MAP2: variants seen among roughly 807,000 people sequenced by gnomAD.
MAP2 encodes microtubule associated protein 2.
A neutral mutation model predicts 137.6 loss-of-function variants in MAP2; 14 were observed. The observed-to-expected ratio is 0.10, with a 90% CI of 0.07 to 0.16. The LOEUF is 0.16. Among genes scored for constraint, MAP2 ranks in the 10% least tolerant of loss-of-function variants. MAP2 has a pLI of 1.00. For synonymous variants in MAP2, 786 were observed against 782.3 expected (o/e 1.00, Z -0.08); for missense variants, 2,088 against 2,191.5 (o/e 0.95, Z 0.94).
chr2:209,537,529 T>C (rs533979115), intron 2 of MAP2, among the ~76,000 whole-genome samples: 1 of 152,348 alleles, frequency 6.6e-6, no homozygotes, highest in South Asian at 2.1e-4. Context: ...ATAATGCAAT[T>C]AATTAGAAGC....
rs570725414 is a variant in MAP2, at chr2:209,603,553, T to C, written c.-106-21500T>C. The stretch of plus-strand genomic sequence containing the variant: ...CCATTTAAGCAAGCATTTTCAAAGC[T>C]TTCTGCATGCTGGTGGGCAGCTCCT... On this transcript the variant is annotated intron_variant, in intron 3 of 15. Transcript: ENST00000682079. Among the ~76,000 whole-genome samples the C allele has an allele frequency of 3.9e-5, 6 of 152,280 alleles. No homozygotes were observed. In the South Asian group the frequency reaches 1.2e-3, roughly 32 times the overall value.
Position 209,618,673 on chromosome 2 carries a change from A to G in MAP2, c.-106-6380A>G, listed in dbSNP as rs541656579. Reference sequence around the variant, plus strand: ...TGTGGAGAAAAGGAGACACTTGCCCACTGTTGATGGAAATATAAATTAGTA... The same window carrying G: ...TGTGGAGAAAAGGAGACACTTGCCCGCTGTTGATGGAAATATAAATTAGTA... On this transcript the variant is annotated intron_variant, in intron 3 of 15. Transcript: ENST00000682079. Among the ~76,000 whole-genome samples the G allele has an allele frequency of 3.0e-4, 45 of 152,288 alleles. 1 individual carries two copies. The South Asian group carries it at 5.0e-3, about 17-fold the overall frequency.
chr2:209,528,339 A>G (rs1488916855), intron 2 of MAP2, among the ~76,000 whole-genome samples: 1 of 152,196 alleles, frequency 6.6e-6, no homozygotes, highest in Non-Finnish European at 1.5e-5. Context: ...GGGAAATATT[A>G]CGTAGATATT....
intron 3 of MAP2, among the ~76,000 whole-genome samples, chr2:209,615,167 C>T (rs940997697): frequency 2.0e-5 from 3 of 152,118 alleles, no homozygotes; most frequent in Admixed American, 6.6e-5. Context: ...TGAATGCTCA[C>T]GTTGACCTCA....
intron 3 of MAP2, among the ~76,000 whole-genome samples, chr2:209,623,053 A>G (rs547024140): frequency 6.6e-6 from 1 of 152,328 alleles, no homozygotes; most frequent in South Asian, 2.1e-4. Context: ...GAAAGACTAA[A>G]AGACAGGATT....
intron 1 of MAP2, among the ~76,000 whole-genome samples, chr2:209,495,783 A>G (rs192678103): frequency 1.2e-3 from 190 of 152,346 alleles, no homozygotes; most frequent in African/African-American, 4.4e-3. Context: ...CTCATTTCCT[A>G]TAATTGTTAC....
chr2:209,557,643 A>G (rs1323082847), intron 2 of MAP2, among the ~76,000 whole-genome samples: 1 of 152,168 alleles, frequency 6.6e-6, no homozygotes, highest in Non-Finnish European at 1.5e-5. Flanking sequence ...ATGGCCCTGG[A>G]TCCCAGGGGC....
At chr2:209,621,851 A>G (rs1302870305) in intron 3 of MAP2, among the ~76,000 whole-genome samples, 3 of 152,334 alleles carry the variant, frequency 2.0e-5, no homozygotes, top group African/African-American at 4.8e-5. Flanking sequence ...ACAGCCAAAC[A>G]TATATGCAGC....
intron 1 of MAP2, among the ~76,000 whole-genome samples, chr2:209,494,077 C>T (rs1259849310): frequency 6.6e-6 from 1 of 152,046 alleles, no homozygotes; most frequent in Admixed American, 6.6e-5. Flanking sequence ...ATTTGGCATA[C>T]ATACACCATG....
chr2:209,522,091 A>G (rs1257142090), intron 2 of MAP2, among the ~76,000 whole-genome samples: 1 of 152,170 alleles, frequency 6.6e-6, no homozygotes, highest in African/African-American at 2.4e-5. Context: ...CTGGATATAG[A>G]ACAAGAGTCA....
intron 7 of MAP2, among the ~76,000 whole-genome samples, chr2:209,689,008 A>G (rs925960378): frequency 3.3e-5 from 5 of 152,202 alleles, no homozygotes; most frequent in East Asian, 1.9e-4. Flanking sequence ...TTAAATTAGG[A>G]ACAATTGTAG....
At chr2:209,730,117 G>A in intron 15 of MAP2, 65 bp from the exon 16 acceptor site, 1 of 1,353,840 alleles carries the variant, frequency 7.4e-7, no homozygotes, top group Non-Finnish European at 1.0e-6. Flanking sequence ...CCTGGGAGAT[G>A]GAGAAAGAGG....
Position 209,459,919 on chromosome 2 carries a change from C to T in MAP2, c.-222+35643C>T, listed in dbSNP as rs906594245. Reference sequence around the variant, plus strand: ...AGGCCCATGGAGAGTCTCTCCAACTCTTAGCCCCTTTCCTTGTCTTTCTTG... The same window carrying T: ...AGGCCCATGGAGAGTCTCTCCAACTTTTAGCCCCTTTCCTTGTCTTTCTTG... On this transcript the variant is annotated intron_variant, in intron 1 of 15. Coordinates refer to ENST00000682079, the MANE Select transcript of MAP2 (RefSeq NM_001375505.1). Among the ~76,000 whole-genome samples, 4 of 152,166 alleles carry T rather than the reference C, an allele frequency of 2.6e-5. No individual in the cohort carries two copies. In the East Asian group the frequency reaches 7.7e-4, roughly 29 times the overall value.
At chr2:209,661,499 A>C (rs1296073763) in intron 5 of MAP2, 7 of 985,218 alleles carry the variant, frequency 7.1e-6, no homozygotes, top group Non-Finnish European at 8.4e-6. Flanking sequence ...GTTATTTAGC[A>C]TTCAAGGGTG....
chr2:209,678,521 C>A, intron 5 of MAP2, 51 bp from the exon 6 acceptor site: 2 of 933,622 alleles, frequency 2.1e-6, no homozygotes. Flanking sequence ...TTCCTCTTTG[C>A]TTTCTCAGAC....
intron 1 of MAP2, among the ~76,000 whole-genome samples, chr2:209,425,494 T>C (rs1279376909): frequency 6.6e-6 from 1 of 152,190 alleles, no homozygotes; most frequent in Non-Finnish European, 1.5e-5. Flanking sequence ...CAAAAAAATA[T>C]TGTTGGGTGG....
intron 7 of MAP2, 102 bp downstream of exon 7, chr2:209,680,929 A>T: frequency 1.3e-6 from 1 of 761,982 alleles, no homozygotes; most frequent in Non-Finnish European, 2.2e-6. Context: ...GTATGTGACC[A>T]AGCTTTGGAG....
chr2:209,708,137 G>A (rs1179770245), intron 12 of MAP2, among the ~76,000 whole-genome samples: 1 of 152,138 alleles, frequency 6.6e-6, no homozygotes, highest in Non-Finnish European at 1.5e-5. Context: ...AAGAAATAAT[G>A]TTTCTGGAGA....
At chr2:209,570,442 C>T (rs907121660) in intron 2 of MAP2, among the ~76,000 whole-genome samples, 15 of 152,004 alleles carry the variant, frequency 9.9e-5, no homozygotes, top group African/African-American at 3.6e-4. Flanking sequence ...AAAATGGAGG[C>T]ACATGACTCT....
Sources: allele counts gnomAD v4.1 joint callset (sites outside exome capture counted in the v4.1 genomes callset), GRCh38; gene constraint gnomAD v4.1.1; transcripts MANE v1.5; gene names NCBI Gene and HGNC (gene_info 2026-07-23, HGNC 2026-07-21).